The following CCBE1 variants were observed in gnomAD, a reference collection of about 807,000 sequenced individuals.
CCBE1 encodes the protein collagen and calcium binding EGF domains 1.
A neutral mutation model predicts 50.0 loss-of-function variants in CCBE1; 37 were observed. That is an observed-to-expected ratio of 0.74 (90% CI 0.57 to 0.97). The LOEUF is 0.97. Ranked by LOEUF, CCBE1 falls within the 50% of genes least tolerant of loss-of-function variation. The pLI is 0.00. For missense variants in CCBE1, 538 were observed against 523.8 expected (o/e 1.03, Z -0.26); for synonymous variants, 234 against 203.7 (o/e 1.15, Z -1.27).
chr18:59,504,898 G>C (rs76183938), intron 2 of CCBE1, among the ~76,000 whole-genome samples: 6 of 152,112 alleles, frequency 3.9e-5, no homozygotes, highest in Non-Finnish European at 7.3e-5. Flanking sequence ...GCCTCATGAA[G>C]GTCACAGGTA....
At chr18:59,519,301 T>C (rs1914501637) in intron 2 of CCBE1, among the ~76,000 whole-genome samples, 1 of 152,128 alleles carries the variant, frequency 6.6e-6, no homozygotes, top group African/African-American at 2.4e-5. Context: ...GTTCCTGGAC[T>C]TACTTAGAAA....
chr18:59,628,585 T>C (rs2053815744), intron 2 of CCBE1, among the ~76,000 whole-genome samples: 1 of 152,092 alleles, frequency 6.6e-6, no homozygotes, highest in African/African-American at 2.4e-5. Flanking sequence ...CTTCGTGGGA[T>C]GGATGGGAGT....
chr18:59,654,684 T>C (rs1568256165), intron 2 of CCBE1, among the ~76,000 whole-genome samples: 2 of 149,394 alleles, frequency 1.3e-5, no homozygotes, highest in Admixed American at 6.7e-5. Context: ...CCCAGCTACT[T>C]GGGAGGCTGA....
intron 2 of CCBE1, 189 bp downstream of exon 2, chr18:59,696,432 GTCAGTTGC>G: frequency 2.2e-6 from 3 of 1,394,624 alleles, no homozygotes; most frequent in Non-Finnish European, 2.8e-6. Flanking sequence ...TAGACGCAAA[GTCAGTTGC>G]TCAGTGTTGC....
intron 2 of CCBE1, among the ~76,000 whole-genome samples, chr18:59,635,499 T>G (rs1031850415): frequency 6.6e-6 from 1 of 152,128 alleles, no homozygotes; most frequent in Admixed American, 6.5e-5. Flanking sequence ...TTAAAAAATC[T>G]AATTTCCGGG....
intron 2 of CCBE1, among the ~76,000 whole-genome samples, chr18:59,550,998 C>CAAAAAAAAA (rs555160847): frequency 2.0e-3 from 144 of 71,362 alleles, no homozygotes; most frequent in African/African-American, 2.5e-3. Context: ...CAGCGAGACT[C>CAAAAAAAAA]AAAAAAAAAA....
chr18:59,614,097 G>A (rs1475789596), intron 2 of CCBE1, among the ~76,000 whole-genome samples: 2 of 152,004 alleles, frequency 1.3e-5, no homozygotes, highest in Non-Finnish European at 1.5e-5. Flanking sequence ...CCTCTGCCTC[G>A]AAGGTTCAAG....
At chr18:59,501,280 GAC>G in intron 2 of CCBE1, among the ~76,000 whole-genome samples, 1 of 152,200 alleles carries the variant, frequency 6.6e-6, no homozygotes, top group Non-Finnish European at 1.5e-5. Context: ...CCTCCATAGG[GAC>G]AGCACATCTC....
intron 2 of CCBE1, among the ~76,000 whole-genome samples, chr18:59,488,952 T>C (rs1912960442): frequency 6.6e-6 from 1 of 152,028 alleles, no homozygotes; most frequent in African/African-American, 2.4e-5. Flanking sequence ...CCTGCTATAG[T>C]CTAACTCCCA....
At chr18:59,619,759 G>A (rs1198311216) in intron 2 of CCBE1, among the ~76,000 whole-genome samples, 1 of 151,926 alleles carries the variant, frequency 6.6e-6, no homozygotes, top group Non-Finnish European at 1.5e-5. Context: ...AGTTTTAAAT[G>A]TGTTTTAAAC....
intron 2 of CCBE1, among the ~76,000 whole-genome samples, chr18:59,518,347 G>A (rs1914460942): frequency 6.6e-6 from 1 of 152,096 alleles, no homozygotes; most frequent in African/African-American, 2.4e-5. Context: ...AAATTAGCCG[G>A]GTGTGACGAC....
chr18:59,547,082 A>AGGGAAGGAGG (rs11280803), intron 2 of CCBE1, among the ~76,000 whole-genome samples: 4 of 82,712 alleles, frequency 4.8e-5, no homozygotes, highest in Non-Finnish European at 9.5e-5. Flanking sequence ...GGGGAGAGAA[A>AGGGAAGGAGG]GGGAGAGAGA....
At chr18:59,613,135 A>G (rs1319583260) in intron 2 of CCBE1, among the ~76,000 whole-genome samples, 2 of 151,758 alleles carry the variant, frequency 1.3e-5, no homozygotes, top group African/African-American at 4.8e-5. Context: ...TGGATTAAAA[A>G]TAGGAGCATG....
chr18:59,611,251 G>T (rs968823890), intron 2 of CCBE1, among the ~76,000 whole-genome samples: 3 of 152,200 alleles, frequency 2.0e-5, no homozygotes, highest in Non-Finnish European at 2.9e-5. Flanking sequence ...GTAAGAGCTG[G>T]CAAGAGTGCC....
chr18:59,591,367 T>C (rs1225103879), intron 2 of CCBE1, among the ~76,000 whole-genome samples: 1 of 148,864 alleles, frequency 6.7e-6, no homozygotes, highest in African/African-American at 2.4e-5. Flanking sequence ...TTTTGCATAG[T>C]GAAAAATGCC....
intron 2 of CCBE1, among the ~76,000 whole-genome samples, chr18:59,609,653 C>A (rs555513136): frequency 3.9e-5 from 6 of 152,328 alleles, no homozygotes; most frequent in Admixed American, 2.0e-4. Context: ...CTAAAAGTAT[C>A]TTTACTCATG....
rs919249528 is a variant in CCBE1 at position 59,580,014 on chromosome 18, T to C, written c.213-99776A>G. Among the ~76,000 whole-genome samples, 8 of 152,278 alleles carry C rather than the reference T, an allele frequency of 5.3e-5. 1 individual carries two copies. In the South Asian group the frequency reaches 1.5e-3, roughly 28 times the overall value. On this transcript the variant is annotated intron_variant, in intron 2 of 10. Coordinates refer to ENST00000439986, the MANE Select transcript of CCBE1 (RefSeq NM_133459.4). ...AAGAGCAAATCACATCTGATTCGAA[T>C]AGGATGGATCTTCTGTGAAAGCCAG...
intron 2 of CCBE1, among the ~76,000 whole-genome samples, chr18:59,680,711 A>G (rs2054578057): frequency 6.6e-6 from 1 of 152,106 alleles, no homozygotes; most frequent in African/African-American, 2.4e-5. Flanking sequence ...AAAAAAAAGA[A>G]AAAACAAAAC....
At chr18:59,556,360 G>A (rs1230347807) in intron 2 of CCBE1, among the ~76,000 whole-genome samples, 1 of 152,166 alleles carries the variant, frequency 6.6e-6, no homozygotes, top group Non-Finnish European at 1.5e-5. Flanking sequence ...TGAGTACAGA[G>A]TGCGAGGAGG....
Sources: allele counts gnomAD v4.1 joint callset (sites outside exome capture counted in the v4.1 genomes callset), GRCh38; gene constraint gnomAD v4.1.1; transcripts MANE v1.5; gene names NCBI Gene and HGNC (gene_info 2026-07-23, HGNC 2026-07-21).